The following UGT1A10 variants were observed in gnomAD, a reference collection of about 807,000 sequenced individuals.
The protein encoded by UGT1A10 is UDP-glucuronosyltransferase 1A10.
In UGT1A10, 49 loss-of-function variants were observed where a neutral mutation model predicts 45.8. The ratio of observed to expected loss-of-function variants is 1.07; its 90% CI spans 0.85 to 1.36. UGT1A10 has a LOEUF of 1.36. UGT1A10 is among the 40% of genes most tolerant of loss of function. The pLI, the probability that UGT1A10 is intolerant of heterozygous loss-of-function variation, is 0.00. For synonymous variants in UGT1A10, 284 were observed against 249.7 expected (o/e 1.14, Z -1.29); for missense variants, 745 against 668.6 (o/e 1.11, Z -1.26).
At chr2:233,672,023 T>C in intron 1 of UGT1A10, 2 of 1,614,136 alleles carry the variant, frequency 1.2e-6, no homozygotes, top group South Asian at 1.1e-5. Flanking sequence ...AAGCTACTGG[T>C]AGTGCCCATG....
intron 1 of UGT1A10, among the ~76,000 whole-genome samples, chr2:233,653,509 T>C (rs2073787186): frequency 6.6e-6 from 1 of 152,236 alleles, no homozygotes; most frequent in East Asian, 1.9e-4. Flanking sequence ...AAAAATGACC[T>C]GAGACTTATC....
Position 233,636,508 on chromosome 2 carries a change from G to C in UGT1A10, c.-15G>C. 1 of 1,605,576 alleles carries C rather than the reference G, an allele frequency of 6.2e-7. No individual in the cohort carries two copies. The highest frequency in any genetic ancestry group is 8.5e-7 in the Non-Finnish European group (1 of 1,174,704). ...GCTTAGAATCCCAGCTGCTGGCTCG[G>C]GCTGCAGTTCTCTCATGGCTCGCGC... On this transcript the variant is annotated 5_prime_UTR_variant, in exon 1 of 5. Coordinates refer to ENST00000344644, the MANE Select transcript of UGT1A10 (RefSeq NM_019075.4).
chr2:233,668,122 T>G (rs573407271), intron 1 of UGT1A10, among the ~76,000 whole-genome samples: 2 of 152,224 alleles, frequency 1.3e-5, no homozygotes, highest in African/African-American at 4.8e-5. Flanking sequence ...TTGTTACATA[T>G]GTATACATGT....
Position 233,636,601 on chromosome 2 carries a change from A to G in UGT1A10, c.79A>G (p.Lys27Glu), listed in dbSNP as rs750843376. The change falls in exon 1 of 5, where the codon AAG (lysine) becomes GAG (glutamate). Residue 27 changes from lysine (K) to glutamate (E), a missense_variant. Lys to Glu is a moderately conservative substitution (Grantham distance 56). Transcript: ENST00000344644. Reference protein sequence around the residue: ...LLTCGFAEAGKLLVVPMDGSH... With the variant: ...LLTCGFAEAGELLVVPMDGSH... ...GACCTGTGGCTTTGCCGAGGCAGGG[A>G]AGCTGCTGGTAGTGCCCATGGATGG... 3.1e-6 allele frequency: 5 copies of G among 1,614,094 alleles called. No individual in the cohort carries two copies. In the South Asian group the frequency reaches 5.5e-5, roughly 18 times the overall value.
At chr2:233,713,855 T>C in intron 1 of UGT1A10, 1 of 1,613,968 alleles carries the variant, frequency 6.2e-7, no homozygotes, top group African/African-American at 1.3e-5. Context: ...AGCCACTATC[T>C]CAGGTCTGTA....
rs1681915037 is a variant in UGT1A10 at position 233,713,066 on chromosome 2, G to C, written c.856-53968G>C. On this transcript the variant is annotated intron_variant, in intron 1 of 4. Coordinates refer to ENST00000344644, the MANE Select transcript of UGT1A10 (RefSeq NM_019075.4). ...TGCTTCTCCTCAGTGTCCAGCCCTG[G>C]GCTGAGAGTGGGAAGGTGCTGGTGG... The C allele has an allele frequency of 2.5e-6, 4 of 1,614,136 alleles. No homozygotes were observed. In the South Asian group the frequency reaches 4.4e-5, roughly 18 times the overall value.
intron 1 of UGT1A10, among the ~76,000 whole-genome samples, chr2:233,766,184 T>A (rs1169450089): frequency 6.6e-6 from 1 of 152,052 alleles, no homozygotes; most frequent in Non-Finnish European, 1.5e-5. Context: ...ATTGAGTGGA[T>A]GTAGCTCTCA....
chr2:233,772,941 C>G lies in UGT1A10; in HGVS notation c.*382C>G. The G allele has an allele frequency of 3.0e-6, 1 of 336,190 alleles. No homozygotes were observed. The highest frequency in any genetic ancestry group is 5.5e-6 in the Non-Finnish European group (1 of 182,010). The allele number at this position is 336,190 out of a possible 1,614,324, so 20.8% of individuals were successfully genotyped here. A position where few individuals can be genotyped will look rare whatever the true frequency, so the allele number is the denominator to read the frequency against. ...TGGCAGTTTTAATCTTATCTTTTGG[C>G]TTCTGCAGATGGTTGCAATTGATCC... is the stretch of plus-strand genomic sequence containing the variant. On this transcript the variant is annotated 3_prime_UTR_variant, in exon 5 of 5. Coordinates refer to ENST00000344644, the MANE Select transcript of UGT1A10 (RefSeq NM_019075.4).
chr2:233,687,857 A>G (rs947298968), intron 1 of UGT1A10, among the ~76,000 whole-genome samples: 4 of 152,194 alleles, frequency 2.6e-5, no homozygotes, highest in African/African-American at 9.6e-5. Flanking sequence ...GCAGTAAGCC[A>G]TGACTATTCC....
chr2:233,645,150 G>A lies in UGT1A10; in HGVS notation c.855+7773G>A, dbSNP rs144427814. On this transcript the variant is annotated intron_variant, in intron 1 of 4. Transcript: ENST00000344644. ...CTGCCTTCAGGGACAAAGCATCGATGAAAGCAATCCAGAAAAATTGTTCTT... is the reference window on the plus strand; with the variant it reads ...CTGCCTTCAGGGACAAAGCATCGATAAAAGCAATCCAGAAAAATTGTTCTT... Among the ~76,000 whole-genome samples the A allele has an allele frequency of 1.4e-3, 210 of 152,280 alleles. 1 individual carries two copies. Among genetic ancestry groups the A allele is most frequent in the African/African-American group, 4.8e-3 (198 of 41,558 alleles).
chr2:233,647,822 C>A, intron 1 of UGT1A10: 1 of 945,886 alleles, frequency 1.1e-6, no homozygotes, highest in Admixed American at 2.7e-5. Context: ...TTGATTTGCC[C>A]CAAAAGCTAG....
At chr2:233,706,314 T>C (rs1191867368) in intron 1 of UGT1A10, among the ~76,000 whole-genome samples, 1 of 152,208 alleles carries the variant, frequency 6.6e-6, no homozygotes, top group Non-Finnish European at 1.5e-5. Flanking sequence ...AGATAGTGCC[T>C]TTTGGAACTA....
At chr2:233,705,136 GAA>G (rs11336071) in intron 1 of UGT1A10, among the ~76,000 whole-genome samples, 35 of 142,664 alleles carry the variant, frequency 2.5e-4, no homozygotes, top group African/African-American at 2.6e-4. Flanking sequence ...GACTTCGTCT[GAA>G]AAAAAAAAAA....
chr2:233,760,736 C>G lies in UGT1A10; in HGVS notation c.856-6298C>G, dbSNP rs371418452. 6 of 1,614,160 alleles carry G rather than the reference C, an allele frequency of 3.7e-6. No homozygotes were observed. Among genetic ancestry groups the G allele is most frequent in the Non-Finnish European group, 5.1e-6 (6 of 1,180,028 alleles). Reference sequence around the variant, plus strand: ...GAAAGCAGCTTTGATGTCATGCTGACGGACCCTTTCCTTCCTTGCAGCCCC... The same window carrying G: ...GAAAGCAGCTTTGATGTCATGCTGAGGGACCCTTTCCTTCCTTGCAGCCCC... On this transcript the variant is annotated intron_variant, in intron 1 of 4. Coordinates refer to ENST00000344644, the MANE Select transcript of UGT1A10 (RefSeq NM_019075.4).
At chr2:233,705,062 G>C (rs1438271390) in intron 1 of UGT1A10, among the ~76,000 whole-genome samples, 1 of 151,992 alleles carries the variant, frequency 6.6e-6, no homozygotes, top group African/African-American at 2.4e-5. Flanking sequence ...CTTGAACCCG[G>C]GAGGCGGAGG....
At chr2:233,720,348 T>C (rs1265455375) in intron 1 of UGT1A10, among the ~76,000 whole-genome samples, 1 of 152,042 alleles carries the variant, frequency 6.6e-6, no homozygotes, top group African/African-American at 2.4e-5. Flanking sequence ...GGTATGGTGA[T>C]GGTTGCATGT....
chr2:233,769,918 G>T lies in UGT1A10; in HGVS notation c.1295+1479G>T. ...TGAGCATCATGTGCCCAGAGCGTTG[G>T]GTGGTGTGGTCCCATTCCTTCCTTC... is the stretch of plus-strand genomic sequence containing the variant. On this transcript the variant is annotated intron_variant, in intron 4 of 4. Coordinates refer to ENST00000344644, the MANE Select transcript of UGT1A10 (RefSeq NM_019075.4). This position sits in a 1 kb window ranked among gnomAD's most constrained non-coding sequence, Gnocchi z 4.4. The T allele has an allele frequency of 3.5e-6, 1 of 286,558 alleles. No homozygotes were observed. The highest frequency in any genetic ancestry group is 6.5e-6 in the Non-Finnish European group (1 of 153,120). 17.8% of individuals were successfully genotyped at this position (286,558 alleles called of 1,614,324 possible). A position where few individuals can be genotyped will look rare whatever the true frequency, so the allele number is the denominator to read the frequency against.
chr2:233,749,529 C>T (rs575946575), intron 1 of UGT1A10, among the ~76,000 whole-genome samples: 6 of 151,916 alleles, frequency 3.9e-5, no homozygotes, highest in African/African-American at 9.7e-5. Context: ...GGCTAATTTT[C>T]GAGTGTGGTA....
At chr2:233,724,088 C>T (rs1463645375) in intron 1 of UGT1A10, among the ~76,000 whole-genome samples, 27 of 104,412 alleles carry the variant, frequency 2.6e-4, no homozygotes, top group African/African-American at 6.1e-4. Context: ...AGGGGCTCCT[C>T]ACTTCCCAGT....
Sources: allele counts gnomAD v4.1 joint callset (sites outside exome capture counted in the v4.1 genomes callset), GRCh38; gene constraint gnomAD v4.1.1; non-coding constraint Gnocchi (gnomAD v3.1); transcripts MANE v1.5; gene names NCBI Gene and HGNC (gene_info 2026-07-23, HGNC 2026-07-21).